ZNF521: variants seen among roughly 807,000 people sequenced by gnomAD.
The protein encoded by ZNF521 is LYST-interacting protein 3.
ZNF521 carries 14 observed loss-of-function variants against 105.5 expected under a neutral mutation model. The ratio of observed to expected loss-of-function variants is 0.13; its 90% CI spans 0.09 to 0.21. The LOEUF is 0.21. Among genes scored for constraint, ZNF521 ranks in the 10% least tolerant of loss-of-function variants. The pLI is 1.00. For synonymous variants in ZNF521, 635 were observed against 606.0 expected, an observed-to-expected ratio of 1.05 and a Z score of -0.70; for missense variants, 1,233 against 1,629.7, an observed-to-expected ratio of 0.76 and a Z score of 4.19.
chr18:25,306,448 G>A (rs958485283), intron 3 of ZNF521, among the ~76,000 whole-genome samples: 6 of 152,124 alleles, frequency 3.9e-5, no homozygotes, highest in Non-Finnish European at 8.8e-5. Flanking sequence ...TTCCCATGGA[G>A]ATGGACCTTG....
chr18:25,328,583 C>T (rs1184284178), intron 2 of ZNF521, among the ~76,000 whole-genome samples: 3 of 149,320 alleles, frequency 2.0e-5, no homozygotes, highest in Admixed American at 6.6e-5. Flanking sequence ...GACGGAGTCT[C>T]GCTCTTTGGC....
intron 7 of ZNF521, among the ~76,000 whole-genome samples, chr18:25,079,376 G>A (rs2033438302): frequency 6.6e-6 from 1 of 152,152 alleles, no homozygotes; most frequent in South Asian, 2.1e-4. Flanking sequence ...CTTACTCATC[G>A]ATGATTAGCA....
At position 25,160,507 on chromosome 18, in the gene ZNF521, G is replaced by GCACA. The variant is rs141449812; in HGVS notation, c.3658+34649_3658+34652dup. ...TCATACATGGACACACTGCACTTAT[G>GCACA]CACACACACACACACATTACACATA... On this transcript the variant is annotated intron_variant, in intron 5 of 7. Coordinates refer to ENST00000361524, the MANE Select transcript of ZNF521 (RefSeq NM_015461.3). Among the ~76,000 whole-genome samples the GCACA allele has an allele frequency of 2.0e-4, 30 of 151,694 alleles. No individual in the cohort carries two copies. In the East Asian group the frequency reaches 4.1e-3, roughly 21 times the overall value.
chr18:25,283,197 G>A (rs1454611308), intron 3 of ZNF521, among the ~76,000 whole-genome samples: 3 of 152,192 alleles, frequency 2.0e-5, no homozygotes, highest in Admixed American at 6.5e-5. Flanking sequence ...TCAGCAAAGA[G>A]CTTCCACCAG....
intron 2 of ZNF521, among the ~76,000 whole-genome samples, chr18:25,334,698 G>T (rs1443250875): frequency 6.6e-6 from 1 of 152,176 alleles, no homozygotes; most frequent in Non-Finnish European, 1.5e-5. Flanking sequence ...TTCTCCAGAA[G>T]GGGAAATATT....
At chr18:25,231,844 G>A (rs1906550112) in intron 3 of ZNF521, among the ~76,000 whole-genome samples, 1 of 152,170 alleles carries the variant, frequency 6.6e-6, no homozygotes. Flanking sequence ...CAACACTAGG[G>A]GCAATCTGAA....
At chr18:25,175,014 C>A (rs997237490) in intron 5 of ZNF521, among the ~76,000 whole-genome samples, 5 of 152,324 alleles carry the variant, frequency 3.3e-5, no homozygotes, top group Non-Finnish European at 5.9e-5. Flanking sequence ...GATGATACAG[C>A]ACTATTACCA....
chr18:25,252,870 A>C (rs775934039), intron 3 of ZNF521, among the ~76,000 whole-genome samples: 1 of 152,170 alleles, frequency 6.6e-6, no homozygotes, highest in Non-Finnish European at 1.5e-5. Flanking sequence ...TGGCTTATAC[A>C]GGAGAGCAAA....
rs528188061 is a variant in ZNF521 at position 25,320,615 on chromosome 18, A to T, written c.220+1393T>A. On this transcript the variant is annotated intron_variant, in intron 3 of 7. Transcript: ENST00000361524. Reference sequence around the variant, plus strand: ...CAAATGATTAAGAAAGAGATGCTATAGGAGAGGGAAGAAGAGAATAATAAA... The same window carrying T: ...CAAATGATTAAGAAAGAGATGCTATTGGAGAGGGAAGAAGAGAATAATAAA... 1.5e-4 allele frequency among the ~76,000 whole-genome samples: 23 copies of T among 152,340 alleles called. No individual in the cohort carries two copies. The South Asian group carries it at 4.8e-3, about 32-fold the overall frequency.
At chr18:25,258,474 T>G (rs900451140) in intron 3 of ZNF521, among the ~76,000 whole-genome samples, 1 of 152,096 alleles carries the variant, frequency 6.6e-6, no homozygotes, top group Non-Finnish European at 1.5e-5. Context: ...AGGGATTAAA[T>G]TAAGCAAAGG....
At chr18:25,287,263 T>G (rs1262111554) in intron 3 of ZNF521, among the ~76,000 whole-genome samples, 1 of 152,130 alleles carries the variant, frequency 6.6e-6, no homozygotes, top group Non-Finnish European at 1.5e-5. Context: ...GAGCAGCAAA[T>G]CCTAATTTCT....
intron 5 of ZNF521, among the ~76,000 whole-genome samples, chr18:25,165,089 A>ATAT (rs1567990181): frequency 6.6e-6 from 1 of 152,164 alleles, no homozygotes; most frequent in East Asian, 1.9e-4. Context: ...TTTTAACCCC[A>ATAT]TATGGTTTTT....
chr18:25,112,945 T>C (rs951501573), intron 5 of ZNF521, among the ~76,000 whole-genome samples: 2 of 152,160 alleles, frequency 1.3e-5, no homozygotes, highest in African/African-American at 4.8e-5. Context: ...AACTCCCCTA[T>C]TAGCAGCCTT....
chr18:25,212,241 G>A lies in ZNF521; in HGVS notation c.3573+12104C>T, dbSNP rs900780300. Among the ~76,000 whole-genome samples, 16 of 151,818 alleles carry A rather than the reference G, an allele frequency of 1.1e-4. No homozygotes were observed. The South Asian group carries it at 2.1e-3, about 20-fold the overall frequency. On this transcript the variant is annotated intron_variant, in intron 4 of 7. Coordinates refer to ENST00000361524, the MANE Select transcript of ZNF521 (RefSeq NM_015461.3). ...AAAAATATTTTAATGGCCGGGCATG[G>A]TGGCTCACGCCTGTAATCCTAGCAC...
At chr18:25,101,240 C>T in intron 5 of ZNF521, among the ~76,000 whole-genome samples, 1 of 151,876 alleles carries the variant, frequency 6.6e-6, no homozygotes, top group East Asian at 1.9e-4. Flanking sequence ...TTTTTTTCAA[C>T]CAAATGTGGA....
At chr18:25,344,557 C>T (rs1914379278) in intron 2 of ZNF521, among the ~76,000 whole-genome samples, 1 of 152,122 alleles carries the variant, frequency 6.6e-6, no homozygotes, top group Non-Finnish European at 1.5e-5. Context: ...CTCCCCCACC[C>T]CTAGAACTAA....
intron 5 of ZNF521, among the ~76,000 whole-genome samples, chr18:25,182,239 C>A (rs1367866942): frequency 6.6e-6 from 1 of 152,110 alleles, no homozygotes; most frequent in East Asian, 1.9e-4. Flanking sequence ...CTGTGAAGAG[C>A]AAATTCTGGC....
At chr18:25,185,985 C>G (rs1175075031) in intron 5 of ZNF521, among the ~76,000 whole-genome samples, 1 of 152,144 alleles carries the variant, frequency 6.6e-6, no homozygotes, top group African/African-American at 2.4e-5. Flanking sequence ...TTTTATCCCT[C>G]ATAAAATGAA....
intron 5 of ZNF521, among the ~76,000 whole-genome samples, chr18:25,138,036 T>A (rs562322425): frequency 1.5e-4 from 23 of 152,234 alleles, no homozygotes; most frequent in Admixed American, 1.4e-3. Context: ...CACACAGACA[T>A]CCTCACCCAC....
Sources: gnomAD v4.1 joint callset for allele counts (sites outside exome capture counted in the v4.1 genomes callset) on GRCh38, gnomAD v4.1.1 for gene constraint, MANE v1.5 for transcripts, NCBI Gene and HGNC (gene_info 2026-07-23, HGNC 2026-07-21) for gene names.